The following STXBP5L variants were observed in gnomAD, a reference collection of about 807,000 sequenced individuals.
The protein encoded by STXBP5L is syntaxin binding protein 5L.
A neutral mutation model predicts 144.5 loss-of-function variants in STXBP5L; 65 were observed. The ratio of observed to expected loss-of-function variants is 0.45; its 90% CI spans 0.37 to 0.55. The LOEUF is 0.55. STXBP5L is among the 20% of genes least tolerant of loss of function. The pLI, the probability that STXBP5L is intolerant of heterozygous loss-of-function variation, is 0.00. For synonymous variants in STXBP5L, 505 were observed against 469.6 expected (o/e 1.08, Z -0.97); for missense variants, 1,298 against 1,405.5 (o/e 0.92, Z 1.22).
At chr3:121,410,206 TATGTGTGTAA>T (rs2047083726) in intron 23 of STXBP5L, among the ~76,000 whole-genome samples, 1 of 151,882 alleles carries the variant, frequency 6.6e-6, no homozygotes, top group Admixed American at 6.6e-5. Flanking sequence ...TCTATTTGTG[TATGTGTGTAA>T]ATGTGTGTAT....
At chr3:121,081,485 C>G (rs2042245666) in intron 5 of STXBP5L, among the ~76,000 whole-genome samples, 2 of 152,076 alleles carry the variant, frequency 1.3e-5, no homozygotes, top group African/African-American at 4.8e-5. Flanking sequence ...TAGTTATAGT[C>G]TTTGTCTGCT....
At chr3:121,103,332 TATAC>T (rs2043527216) in intron 5 of STXBP5L, among the ~76,000 whole-genome samples, 1 of 152,174 alleles carries the variant, frequency 6.6e-6, no homozygotes, top group East Asian at 1.9e-4. Context: ...AATTGGTGCA[TATAC>T]ACTACAGAGT....
At chr3:121,195,585 T>C (rs754381503) in intron 9 of STXBP5L, among the ~76,000 whole-genome samples, 4 of 152,232 alleles carry the variant, frequency 2.6e-5, no homozygotes, top group Non-Finnish European at 4.4e-5. Context: ...CAAGTTGTCA[T>C]AAATGTCAGG....
Position 120,975,977 on chromosome 3 carries a change from TTCA to T in STXBP5L, c.287+20944_287+20946del, listed in dbSNP as rs1940945222. ...TTTATTGAGGATTTTTGCATCAATG[TTCA>T]TCAAGGATATTGGTCTAAAATTCTC... is the stretch of plus-strand genomic sequence containing the variant. On this transcript the variant is annotated intron_variant, in intron 3 of 26. Transcript: ENST00000471454. Among the ~76,000 whole-genome samples, 3 of 151,908 alleles carry T rather than the reference TTCA, an allele frequency of 2.0e-5. No individual in the cohort carries two copies. The South Asian group carries it at 6.2e-4, about 32-fold the overall frequency.
chr3:121,062,141 C>G (rs898926047), intron 5 of STXBP5L, among the ~76,000 whole-genome samples: 2 of 152,152 alleles, frequency 1.3e-5, no homozygotes, highest in Admixed American at 1.3e-4. Flanking sequence ...CCTTCAGGAG[C>G]TCTTGAAAGG....
chr3:121,191,966 G>T (rs752031769), intron 9 of STXBP5L, among the ~76,000 whole-genome samples: 1 of 151,948 alleles, frequency 6.6e-6, no homozygotes, highest in Non-Finnish European at 1.5e-5. Context: ...GATGGGGGGA[G>T]GGATAGCATT....
chr3:121,421,786 C>G lies in STXBP5L; in HGVS notation c.*2689C>G, dbSNP rs532142408. 2 of 152,166 alleles carry G rather than the reference C, an allele frequency of 1.3e-5. No homozygotes were observed. The highest frequency in any genetic ancestry group is 4.2e-4 in the South Asian group (2 of 4,804). The allele number at this position is 152,166 out of a possible 1,614,324, so 9.4% of individuals were successfully genotyped here. ...CTGTAGAAGTGCTTAAAACCTTGGCCTCAGTGAATAGATCAAAAGTTTATA... is the reference window on the plus strand; with the variant it reads ...CTGTAGAAGTGCTTAAAACCTTGGCGTCAGTGAATAGATCAAAAGTTTATA... On this transcript the variant is annotated 3_prime_UTR_variant, in exon 27 of 27. Coordinates refer to ENST00000471454, the MANE Select transcript of STXBP5L (RefSeq NM_001308330.2).
Position 121,367,004 on chromosome 3 carries a change from T to G in STXBP5L, c.2177-11712T>G, listed in dbSNP as rs911570724. Among the ~76,000 whole-genome samples, 3 of 152,324 alleles carry G rather than the reference T, an allele frequency of 2.0e-5. No individual in the cohort carries two copies. In the South Asian group the frequency reaches 6.2e-4, roughly 32 times the overall value. Reference sequence around the variant, plus strand: ...TGAATTGATACCAGCTTAACTTCAATAGCATACAGAAATTCTGATACTTTA... The same window carrying G: ...TGAATTGATACCAGCTTAACTTCAAGAGCATACAGAAATTCTGATACTTTA... On this transcript the variant is annotated intron_variant, in intron 20 of 26. Transcript: ENST00000471454.
intron 3 of STXBP5L, among the ~76,000 whole-genome samples, chr3:120,984,632 C>CTTTTTTTTTTTTTTTTTTTTTTTTCT (rs35656223): frequency 4.2e-5 from 3 of 71,958 alleles, no homozygotes; most frequent in East Asian, 3.7e-4. Flanking sequence ...TCTTTCTTTC[C>CTTTTTTTTTTTTTTTTTTTTTTTTCT]TTTTTTTTTT....
intron 19 of STXBP5L, among the ~76,000 whole-genome samples, chr3:121,315,560 C>T (rs1457359209): frequency 6.6e-6 from 1 of 151,474 alleles, no homozygotes; most frequent in Non-Finnish European, 1.5e-5. Context: ...GTGCAGCATA[C>T]CAGCATGGCA....
intron 3 of STXBP5L, among the ~76,000 whole-genome samples, chr3:121,022,674 A>G (rs567500135): frequency 2.0e-5 from 3 of 152,280 alleles, no homozygotes; most frequent in East Asian, 1.9e-4. Flanking sequence ...GATCATCTCA[A>G]TAGACACAGA....
intron 3 of STXBP5L, among the ~76,000 whole-genome samples, chr3:120,994,095 A>G (rs990698645): frequency 3.3e-5 from 5 of 151,776 alleles, no homozygotes; most frequent in African/African-American, 7.3e-5. Context: ...CAGCTTTTTC[A>G]TAATTGATGT....
intron 19 of STXBP5L, among the ~76,000 whole-genome samples, chr3:121,300,594 C>G (rs1044359010): frequency 6.6e-6 from 1 of 151,638 alleles, no homozygotes; most frequent in Non-Finnish European, 1.5e-5. Context: ...CAAATAGATG[C>G]ACATTATAAT....
chr3:121,300,736 A>T (rs1321431742), intron 19 of STXBP5L, among the ~76,000 whole-genome samples: 21 of 152,212 alleles, frequency 1.4e-4, no homozygotes, highest in African/African-American at 4.8e-4. Flanking sequence ...CAAACAAAAA[A>T]AAGAACTGAG....
intron 3 of STXBP5L, among the ~76,000 whole-genome samples, chr3:121,002,686 C>G (rs1024466945): frequency 3.3e-5 from 5 of 152,142 alleles, no homozygotes; most frequent in East Asian, 1.9e-4. Context: ...GGTATACCTC[C>G]TAATGCAATC....
chr3:121,297,621 GCT>G (rs2051710538), intron 19 of STXBP5L, among the ~76,000 whole-genome samples: 6 of 152,114 alleles, frequency 3.9e-5, no homozygotes. Context: ...GGGTGTGGTG[GCT>G]CATGCCTGTA....
chr3:121,135,745 G>T (rs1345728588), intron 7 of STXBP5L, among the ~76,000 whole-genome samples: 1 of 152,122 alleles, frequency 6.6e-6, no homozygotes, highest in African/African-American at 2.4e-5. Flanking sequence ...GTGTGGTCTG[G>T]TTCCTAACAG....
At chr3:121,302,768 T>A (rs901274042) in intron 19 of STXBP5L, among the ~76,000 whole-genome samples, 6 of 151,964 alleles carry the variant, frequency 3.9e-5, no homozygotes, top group African/African-American at 1.4e-4. Context: ...CTGACAAAAA[T>A]AAGAAATGGG....
chr3:121,334,872 G>C (rs113504749), intron 20 of STXBP5L, among the ~76,000 whole-genome samples: 15,163 of 152,136 alleles, frequency 0.1, 958 homozygotes, highest in Non-Finnish European at 0.14. Context: ...ATGGGCAAAA[G>C]CTGGAAGCAT....
Sources: allele counts gnomAD v4.1 joint callset (sites outside exome capture counted in the v4.1 genomes callset), GRCh38; gene constraint gnomAD v4.1.1; transcripts MANE v1.5; gene names NCBI Gene and HGNC (gene_info 2026-07-23, HGNC 2026-07-21).